ULK4: variants seen among roughly 807,000 people sequenced by gnomAD.
ULK4 encodes the protein inactive serine/threonine-protein kinase ULK4.
A neutral mutation model predicts 160.6 loss-of-function variants in ULK4; 133 were observed. The ratio of observed to expected loss-of-function variants is 0.83; its 90% confidence interval spans 0.72 to 0.96. The LOEUF (loss-of-function observed/expected upper bound fraction) is 0.96, where lower values mean the gene tolerates loss of function less well. ULK4 is among the 40% of genes least tolerant of loss of function. The pLI, the probability that ULK4 is intolerant of heterozygous loss-of-function variation, is 0.00. For synonymous variants in ULK4, 534 were observed against 539.8 expected (o/e 0.99, Z 0.15); for missense variants, 1,580 against 1,499.5 (o/e 1.05, Z -0.89).
At chr3:41,730,337 G>A (rs1463067441) in intron 22 of ULK4, among the ~76,000 whole-genome samples, 1 of 152,012 alleles carries the variant, frequency 6.6e-6, no homozygotes, top group Non-Finnish European at 1.5e-5. Context: ...AAGACAAAAG[G>A]TCAGCAAAAT....
intron 22 of ULK4, among the ~76,000 whole-genome samples, chr3:41,738,445 A>G (rs74451869): frequency 0.029 from 4,416 of 152,004 alleles, 292 homozygotes; most frequent in African/African-American, 0.1. Context: ...TAACTCTGCT[A>G]CCATTGGCCC....
intron 17 of ULK4, among the ~76,000 whole-genome samples, chr3:41,837,057 G>C (rs1021531184): frequency 2.0e-5 from 3 of 152,182 alleles, no homozygotes; most frequent in African/African-American, 7.2e-5. Flanking sequence ...TTTAAAAACT[G>C]AAAGTGCTTA....
chr3:41,618,089 G>A lies in ULK4; in HGVS notation c.3072-2372C>T, dbSNP rs185081309. Among the ~76,000 whole-genome samples the A allele has an allele frequency of 7.2e-4, 110 of 152,122 alleles. 2 individuals are homozygous for A. The East Asian group carries it at 0.012, about 17-fold the overall frequency. On this transcript the variant is annotated intron_variant, in intron 30 of 36. Coordinates refer to ENST00000301831, the MANE Select transcript of ULK4 (RefSeq NM_017886.4). ...AGATTAGAGAAAAAAGAAGGAAAAGGAACGAACAAAGCCTCCAAGAAATAT... is the reference window on the plus strand; with the variant it reads ...AGATTAGAGAAAAAAGAAGGAAAAGAAACGAACAAAGCCTCCAAGAAATAT...
intron 20 of ULK4, among the ~76,000 whole-genome samples, chr3:41,799,118 G>C (rs761691004): frequency 2.0e-5 from 3 of 152,132 alleles, no homozygotes; most frequent in Non-Finnish European, 4.4e-5. Context: ...CATAAGGAAA[G>C]AACACAAAGT....
At chr3:41,639,999 A>G (rs1393225625) in intron 30 of ULK4, among the ~76,000 whole-genome samples, 2 of 152,204 alleles carry the variant, frequency 1.3e-5, no homozygotes, top group Non-Finnish European at 2.9e-5. Flanking sequence ...CTGTGTGTGT[A>G]TGAGAAACCA....
intron 35 of ULK4, 62 bp from the exon 36 acceptor site, chr3:41,249,636 G>C: frequency 6.6e-7 from 1 of 1,520,946 alleles, no homozygotes; most frequent in Non-Finnish European, 9.0e-7. Flanking sequence ...ATGCCCTGTT[G>C]GATGGGCACC....
chr3:41,876,320 T>C (rs996880457), intron 17 of ULK4, among the ~76,000 whole-genome samples: 4 of 152,170 alleles, frequency 2.6e-5, no homozygotes, highest in Non-Finnish European at 2.9e-5. Context: ...AAAAATTAAA[T>C]ACTCCTATCT....
At chr3:41,552,169 A>T (rs183348599) in intron 32 of ULK4, among the ~76,000 whole-genome samples, 2 of 152,172 alleles carry the variant, frequency 1.3e-5, no homozygotes, top group Non-Finnish European at 2.9e-5. Flanking sequence ...GTATGGTGGA[A>T]AACTGAAAGC....
intron 35 of ULK4, among the ~76,000 whole-genome samples, chr3:41,323,784 A>G (rs2080290885): frequency 6.6e-6 from 1 of 152,166 alleles, no homozygotes; most frequent in Non-Finnish European, 1.5e-5. Context: ...GAGTCAACAG[A>G]AAGTAACAAG....
intron 19 of ULK4, among the ~76,000 whole-genome samples, chr3:41,805,917 T>C (rs1277272399): frequency 4.8e-5 from 7 of 146,436 alleles, no homozygotes; most frequent in African/African-American, 1.8e-4. Flanking sequence ...TGCATCAATG[T>C]TCATCAAGGA....
intron 30 of ULK4, among the ~76,000 whole-genome samples, chr3:41,647,279 G>A (rs1258723030): frequency 1.3e-5 from 2 of 152,112 alleles, no homozygotes; most frequent in Non-Finnish European, 2.9e-5. Context: ...CTGCTTTTTA[G>A]AGTTTCCAGT....
chr3:41,300,505 G>GT (rs1402085917), intron 35 of ULK4, among the ~76,000 whole-genome samples: 6 of 152,004 alleles, frequency 3.9e-5, no homozygotes, highest in African/African-American at 1.4e-4. Flanking sequence ...GGATTTTGTC[G>GT]TAAGTTTTCA....
rs544771798 is a variant in ULK4, at chr3:41,667,139, G to A, written c.2979-3440C>T. 5.3e-5 allele frequency among the ~76,000 whole-genome samples: 8 copies of A among 151,118 alleles called. No individual in the cohort carries two copies. The East Asian group carries it at 1.4e-3, about 26-fold the overall frequency. On this transcript the variant is annotated intron_variant, in intron 29 of 36. Transcript: ENST00000301831. ...AGTACACTTCAGCCTAGGTGACAGAGCAAGACTCTGTCTCTAAAAAAAAAA... is the reference window on the plus strand; with the variant it reads ...AGTACACTTCAGCCTAGGTGACAGAACAAGACTCTGTCTCTAAAAAAAAAA...
chr3:41,878,779 T>A (rs1164680346), intron 17 of ULK4, among the ~76,000 whole-genome samples: 1 of 149,126 alleles, frequency 6.7e-6, no homozygotes, highest in African/African-American at 2.5e-5. Flanking sequence ...GCTGACAACA[T>A]CTGAGTCTAG....
intron 21 of ULK4, among the ~76,000 whole-genome samples, chr3:41,756,723 T>A (rs1173238684): frequency 6.6e-6 from 1 of 152,134 alleles, no homozygotes; most frequent in African/African-American, 2.4e-5. Context: ...CACAAAGTGA[T>A]GAAAACGAAG....
At chr3:41,614,429 T>C (rs761145917) in intron 31 of ULK4, among the ~76,000 whole-genome samples, 1 of 152,240 alleles carries the variant, frequency 6.6e-6, no homozygotes, top group Non-Finnish European at 1.5e-5. Flanking sequence ...GCAAATAATG[T>C]GTATCTGACT....
chr3:41,371,036 G>C (rs1178120478), intron 35 of ULK4, among the ~76,000 whole-genome samples: 2 of 152,160 alleles, frequency 1.3e-5, no homozygotes, highest in African/African-American at 4.8e-5. Context: ...CTGGAAGTTT[G>C]AACTGGGCAG....
rs559452035 is a variant in ULK4 at position 41,827,462 on chromosome 3, G to C, written c.1765-7956C>G. 2.0e-5 allele frequency among the ~76,000 whole-genome samples: 3 copies of C among 152,004 alleles called. No homozygotes were observed. In the East Asian group the frequency reaches 5.8e-4, roughly 29 times the overall value. On this transcript the variant is annotated intron_variant, in intron 18 of 36. Coordinates refer to ENST00000301831, the MANE Select transcript of ULK4 (RefSeq NM_017886.4). ...ATAGACGCAATAAAAAATGACAAAG[G>C]GGATATCACCACCGATCCCACAGAA...
rs537560970 is a variant in ULK4 at position 41,439,026 on chromosome 3, G to A, written c.3492+16471C>T. ...AAGAAATAGGATCTTCAATGTAATCGGACTATCAATCCAGGTGTGGCAAGA... is the reference window on the plus strand; with the variant it reads ...AAGAAATAGGATCTTCAATGTAATCAGACTATCAATCCAGGTGTGGCAAGA... On this transcript the variant is annotated intron_variant, in intron 34 of 36. Coordinates refer to ENST00000301831, the MANE Select transcript of ULK4 (RefSeq NM_017886.4). 1.2e-4 allele frequency among the ~76,000 whole-genome samples: 18 copies of A among 151,002 alleles called. No homozygotes were observed. The East Asian group carries it at 1.9e-3, about 16-fold the overall frequency.
Sources: gnomAD v4.1 joint callset for allele counts (sites outside exome capture counted in the v4.1 genomes callset) on GRCh38, gnomAD v4.1.1 for gene constraint, MANE v1.5 for transcripts, NCBI Gene and HGNC (gene_info 2026-07-23, HGNC 2026-07-21) for gene names.